Variants in DSCAML1 observed in about 807,000 individuals in gnomAD.
DSCAML1 encodes cell adhesion molecule DSCAML1.
In DSCAML1, 38 loss-of-function variants were observed where a neutral mutation model predicts 200.5. The observed-to-expected ratio is 0.19, with a 90% CI of 0.15 to 0.25. The LOEUF (loss-of-function observed/expected upper bound fraction) is 0.25, where lower values mean the gene tolerates loss of function less well. Ranked by LOEUF, DSCAML1 falls within the 10% of genes least tolerant of loss-of-function variation. DSCAML1 has a pLI of 1.00. For missense variants in DSCAML1, 2,223 were observed against 2,858.8 expected, an observed-to-expected ratio of 0.78 and a Z score of 5.07; for synonymous variants, 1,215 against 1,165.0, an observed-to-expected ratio of 1.04 and a Z score of -0.87.
chr11:117,585,771 G>T (rs1565807470), intron 3 of DSCAML1, among the ~76,000 whole-genome samples: 4 of 152,192 alleles, frequency 2.6e-5, no homozygotes, highest in African/African-American at 4.8e-5. Flanking sequence ...CAGAGAGGAG[G>T]AGTCGCCAGG....
Position 117,730,845 on chromosome 11 carries a change from C to T in DSCAML1, c.511+45946G>A, listed in dbSNP as rs148400932. Among the ~76,000 whole-genome samples the T allele has an allele frequency of 9.8e-4, 149 of 152,304 alleles. 1 individual carries two copies. The highest frequency in any genetic ancestry group is 3.3e-3 in the African/African-American group (136 of 41,564). ...CGAATTGATAAATCAAATGTGGATT[C>T]ATCCTGCAACACAGATGAACCTCAA... is the stretch of plus-strand genomic sequence containing the variant. On this transcript the variant is annotated intron_variant, in intron 3 of 32. Coordinates refer to ENST00000651296, the MANE Select transcript of DSCAML1 (RefSeq NM_020693.4).
Position 117,517,312 on chromosome 11 carries a change from G to A in DSCAML1, c.1511-573C>T, listed in dbSNP as rs529123762. On this transcript the variant is annotated intron_variant, in intron 7 of 32. Transcript: ENST00000651296. ...GAGCTGTGAAAGGGGCTCTGATAGT[G>A]CTGGCTGGGGAGAGAGAGTGTCCTG... Among the ~76,000 whole-genome samples, 213 of 152,322 alleles carry A rather than the reference G, an allele frequency of 1.4e-3. 1 individual carries two copies. Among genetic ancestry groups the A allele is most frequent in the African/African-American group, 4.7e-3 (194 of 41,556 alleles).
intron 3 of DSCAML1, among the ~76,000 whole-genome samples, chr11:117,773,887 C>A (rs535698505): frequency 1.3e-5 from 2 of 152,254 alleles, no homozygotes; most frequent in East Asian, 3.9e-4. Flanking sequence ...CAATGCCAAA[C>A]TAAAGAAAGG....
chr11:117,797,384 C>G (rs2055604592), upstream of DSCAML1: 1 of 826,748 alleles, frequency 1.2e-6, no homozygotes, highest in Admixed American at 4.4e-5. Context: ...GAGCGGCGGC[C>G]CGGGCCAGAC....
Position 117,521,266 on chromosome 11 carries a change from C to T in DSCAML1, c.1077G>A (p.Glu359=). ...TGCTGAGCCCGCGGATGGAGATGGCCTCGTCAGGCAGCACCAGCTCCGTGT... is the reference window on the plus strand; with the variant it reads ...TGCTGAGCCCGCGGATGGAGATGGCTTCGTCAGGCAGCACCAGCTCCGTGT... The part of the protein sequence containing the change: ...YRNTELVLPD[E]AISIRGLSNE... Residue 359 remains glutamate, a synonymous_variant, in exon 6 of 33, where the codon GAG becomes GAA. Coordinates refer to ENST00000651296, the MANE Select transcript of DSCAML1 (RefSeq NM_020693.4). 3.1e-6 allele frequency: 5 copies of T among 1,614,190 alleles called. No individual in the cohort carries two copies. The highest frequency in any genetic ancestry group is 3.4e-6 in the Non-Finnish European group (4 of 1,180,026).
intron 3 of DSCAML1, among the ~76,000 whole-genome samples, chr11:117,627,550 G>A (rs1223879334): frequency 6.6e-6 from 1 of 151,934 alleles, no homozygotes; most frequent in African/African-American, 2.4e-5. Context: ...CATTCCCTAC[G>A]GCCCAGTGCC....
intron 28 of DSCAML1, 46 bp from the exon 29 acceptor site, chr11:117,433,302 G>A (rs753634949): frequency 1.9e-6 from 3 of 1,577,514 alleles, no homozygotes; most frequent in Non-Finnish European, 2.6e-6. Flanking sequence ...GCCATAAGGG[G>A]TTGGGGAAGG....
At chr11:117,743,480 C>A (rs952491356) in intron 3 of DSCAML1, among the ~76,000 whole-genome samples, 1 of 152,212 alleles carries the variant, frequency 6.6e-6, no homozygotes, top group African/African-American at 2.4e-5. Context: ...TCTGTCCCCC[C>A]AAGCTCCACA....
At position 117,437,174 on chromosome 11, in the gene DSCAML1, A is replaced by G. The variant is rs771825477; in HGVS notation, c.4668T>C (p.Ser1556=). The G allele has an allele frequency of 2.5e-6, 4 of 1,614,144 alleles. No homozygotes were observed. The highest frequency in any genetic ancestry group is 2.5e-6 in the Non-Finnish European group (3 of 1,180,040). ...GGGCTGTTTCATTGCCGCAGCCCGCACTGTTGCAAGCCCTCATGCGCAGCT... is the reference window on the plus strand; with the variant it reads ...GGGCTGTTTCATTGCCGCAGCCCGCGCTGTTGCAAGCCCTCATGCGCAGCT... ...WYELRMRACN[S]AGCGNETAQF... The change falls in exon 26 of 33, where the codon AGT becomes AGC. Residue 1556 remains serine (S), a synonymous_variant. Transcript: ENST00000651296. This position sits in a 1 kb window ranked among gnomAD's most constrained non-coding sequence, Gnocchi z 5.3.
intron 4 of DSCAML1, among the ~76,000 whole-genome samples, chr11:117,526,360 G>T (rs1488951026): frequency 6.6e-6 from 1 of 152,160 alleles, no homozygotes; most frequent in Non-Finnish European, 1.5e-5. Flanking sequence ...TCACCTGGAT[G>T]CCCAGCCAGC....
Position 117,505,512 on chromosome 11 carries a change from T to A in DSCAML1, c.2004A>T (p.Thr668=). 1 of 1,613,040 alleles carries A rather than the reference T, an allele frequency of 6.2e-7. No individual in the cohort carries two copies. Among genetic ancestry groups the A allele is most frequent in the African/African-American group, 1.3e-5 (1 of 74,902 alleles). The stretch of plus-strand genomic sequence containing the variant: ...TGGCGGCTGCGTTGCTGGCGATGCA[T>A]GTATAGTTGCCGTTGTGCTTGAGGG... ...SVSLKHNGNY[T]CIASNAAATV... The change falls in exon 9 of 33, where the codon ACA becomes ACT. Residue 668 remains threonine (T), a synonymous_variant. Coordinates refer to ENST00000651296, the MANE Select transcript of DSCAML1 (RefSeq NM_020693.4). The surrounding 1 kb of genome is among the most constrained non-coding windows in gnomAD (Gnocchi z 6.7).
intron 3 of DSCAML1, among the ~76,000 whole-genome samples, chr11:117,689,198 A>G (rs1344617668): frequency 2.0e-5 from 3 of 152,246 alleles, no homozygotes; most frequent in African/African-American, 7.2e-5. Flanking sequence ...AAGTGGTTCT[A>G]GACAGAAACG....
intron 8 of DSCAML1, among the ~76,000 whole-genome samples, chr11:117,511,580 C>T (rs1251666282): frequency 6.6e-6 from 1 of 152,164 alleles, no homozygotes; most frequent in Non-Finnish European, 1.5e-5. Flanking sequence ...CAAATACCAG[C>T]CATCCCTGCA....
At chr11:117,655,251 G>A (rs2052710079) in intron 3 of DSCAML1, among the ~76,000 whole-genome samples, 1 of 152,258 alleles carries the variant, frequency 6.6e-6, no homozygotes. Flanking sequence ...AGGGCTCAAT[G>A]TGCAGGCAGA....
At chr11:117,628,137 C>T (rs1406474812) in intron 3 of DSCAML1, among the ~76,000 whole-genome samples, 6 of 152,300 alleles carry the variant, frequency 3.9e-5, no homozygotes, top group East Asian at 1.9e-4. Context: ...GATGAGAGAC[C>T]GAGGTGCTCA....
chr11:117,582,967 T>C (rs2051070271), intron 3 of DSCAML1, among the ~76,000 whole-genome samples: 1 of 141,982 alleles, frequency 7.0e-6, no homozygotes, highest in Non-Finnish European at 1.6e-5. Context: ...CATTTTATTC[T>C]CACAATGTGG....
chr11:117,605,574 G>A (rs1343651148), intron 3 of DSCAML1, among the ~76,000 whole-genome samples: 1 of 152,214 alleles, frequency 6.6e-6, no homozygotes, highest in African/African-American at 2.4e-5. Flanking sequence ...TGTCGTTGTT[G>A]GACTAGATTT....
intron 3 of DSCAML1, among the ~76,000 whole-genome samples, chr11:117,545,735 C>T (rs2088785941): frequency 6.6e-6 from 1 of 152,188 alleles, no homozygotes; most frequent in Admixed American, 6.5e-5. Flanking sequence ...CTGAAGGCAT[C>T]ATCCAGGGAT....
In DSCAML1 at chr11:117,568,525, G is replaced by A. The variant is rs571377018; in HGVS notation, c.512-36003C>T. Among the ~76,000 whole-genome samples the A allele has an allele frequency of 3.6e-3, 553 of 152,196 alleles. 3 individuals are homozygous for A. Among genetic ancestry groups the A allele is most frequent in the African/African-American group, 0.013 (532 of 41,516 alleles). ...TAAGCTGATAAGCAACTTCAGCAAA[G>A]TCTCAGGATACAAAATCAATGTACA... On this transcript the variant is annotated intron_variant, in intron 3 of 32. Transcript: ENST00000651296.
Sources: gnomAD v4.1 joint callset for allele counts (sites outside exome capture counted in the v4.1 genomes callset) on GRCh38, gnomAD v4.1.1 for gene constraint, Gnocchi (gnomAD v3.1) non-coding constraint, MANE v1.5 for transcripts, NCBI Gene and HGNC (gene_info 2026-07-23, HGNC 2026-07-21) for gene names.